Variants in DDC observed in about 807,000 individuals in gnomAD.
DDC encodes dopa decarboxylase.
Under a neutral mutation model 60.0 loss-of-function variants are expected in DDC, and 43 were observed. The observed-to-expected ratio is 0.72, with a 90% CI of 0.56 to 0.92. The LOEUF is 0.92. Ranked by LOEUF, DDC falls within the 40% of genes least tolerant of loss-of-function variation. The probability of loss-of-function intolerance (pLI) is 0.00; values close to 1 mark genes in which losing one functional copy is unlikely to be tolerated. For synonymous variants in DDC, 232 were observed against 234.6 expected (o/e 0.99, Z 0.10); for missense variants, 573 against 620.2 (o/e 0.92, Z 0.81).
chr7:50,531,857 G>T (rs1257158093), intron 4 of DDC: 3 of 152,208 alleles, frequency 2.0e-5, no homozygotes, highest in African/African-American at 7.2e-5. Context: ...GCAGACAAAG[G>T]TTGCCATGGC....
At chr7:50,560,467 TAAA>T (rs2045317250) in intron 1 of DDC, among the ~76,000 whole-genome samples, 1 of 152,164 alleles carries the variant, frequency 6.6e-6, no homozygotes, top group Non-Finnish European at 1.5e-5. Context: ...CGCCCCTTTA[TAAA>T]ATCAAACCTG....
At chr7:50,464,916 A>G (rs934132651) in intron 13 of DDC, among the ~76,000 whole-genome samples, 2 of 152,214 alleles carry the variant, frequency 1.3e-5, no homozygotes, top group Admixed American at 6.5e-5. Flanking sequence ...AAAGTGAGCC[A>G]CAGTGTTTGA....
At chr7:50,462,533 G>A (rs966456141) in intron 14 of DDC, among the ~76,000 whole-genome samples, 2 of 152,148 alleles carry the variant, frequency 1.3e-5, no homozygotes, top group Non-Finnish European at 1.5e-5. Flanking sequence ...ACGGCAAGTC[G>A]TGAGTCATAA....
At chr7:50,545,767 C>T (rs535731451) in intron 1 of DDC, among the ~76,000 whole-genome samples, 1 of 152,200 alleles carries the variant, frequency 6.6e-6, no homozygotes, top group Non-Finnish European at 1.5e-5. Flanking sequence ...GCCACCGCTC[C>T]CAGCCTCTAG....
intron 7 of DDC, 117 bp downstream of exon 7, chr7:50,503,876 T>C (rs1212148756): frequency 9.8e-6 from 8 of 816,268 alleles, no homozygotes; most frequent in Admixed American, 3.5e-5. Flanking sequence ...CGAGAAGAGC[T>C]GGGCAAACCA....
intron 6 of DDC, among the ~76,000 whole-genome samples, chr7:50,522,471 AAAC>A (rs1419051079): frequency 2.6e-5 from 4 of 152,244 alleles, no homozygotes; most frequent in African/African-American, 9.6e-5. Flanking sequence ...ACATAATATT[AAAC>A]AACAGTGTTT....
In DDC at chr7:50,508,715, C is replaced by T. The variant is rs2043468173; in HGVS notation, c.715-4656G>A. Among the ~76,000 whole-genome samples the T allele has an allele frequency of 2.0e-5, 3 of 152,284 alleles. No individual in the cohort carries two copies. In the South Asian group the frequency reaches 6.2e-4, roughly 32 times the overall value. ...TAATGAAGACCATGTGGCTACATCC[C>T]AGAAGGACGCATATAGTCATTATGC... On this transcript the variant is annotated intron_variant, in intron 6 of 14. Coordinates refer to ENST00000444124, the MANE Select transcript of DDC (RefSeq NM_001082971.2).
chr7:50,540,085 G>T, intron 2 of DDC, 57 bp from the exon 3 acceptor site: 3 of 1,401,992 alleles, frequency 2.1e-6, no homozygotes, highest in South Asian at 2.4e-5. Flanking sequence ...CCTCAAGAGA[G>T]CGGGGGACCC....
At chr7:50,488,844 T>G (rs1191773105) in intron 9 of DDC, among the ~76,000 whole-genome samples, 2 of 152,336 alleles carry the variant, frequency 1.3e-5, no homozygotes, top group East Asian at 3.9e-4. Flanking sequence ...TCTCGCTGTT[T>G]TCAGCTTTCT....
At chr7:50,504,418 A>T (rs1219984648) in intron 6 of DDC, among the ~76,000 whole-genome samples, 1 of 151,958 alleles carries the variant, frequency 6.6e-6, no homozygotes, top group Non-Finnish European at 1.5e-5. Flanking sequence ...CTACTTTATT[A>T]AATATACATA....
At chr7:50,477,542 C>G in intron 10 of DDC, 1 of 457,014 alleles carries the variant, frequency 2.2e-6, no homozygotes, top group South Asian at 1.5e-5. Context: ...ACAACCCACG[C>G]CCCACCCTGC....
intron 6 of DDC, 133 bp from the exon 7 acceptor site, chr7:50,504,192 G>A: frequency 1.4e-6 from 1 of 719,838 alleles, no homozygotes; most frequent in Admixed American, 2.0e-5. Context: ...TCTGCTACAT[G>A]GAAACGTAAG....
At chr7:50,541,324 C>T (rs1479273772) in intron 2 of DDC, 1 of 152,326 alleles carries the variant, frequency 6.6e-6, no homozygotes, top group African/African-American at 2.4e-5. Flanking sequence ...AATGAAAGCA[C>T]GTGCTCTGAT....
intron 6 of DDC, among the ~76,000 whole-genome samples, chr7:50,511,081 AC>A (rs2043562409): frequency 4.7e-5 from 7 of 150,480 alleles, no homozygotes; most frequent in South Asian, 2.1e-4. Flanking sequence ...ACACACACAC[AC>A]ACAAAATAAT....
Position 50,476,605 on chromosome 7 carries a change from A to G in DDC, c.1041+19T>C, listed in dbSNP as rs1051012565. 1 of 1,607,866 alleles carries G rather than the reference A, an allele frequency of 6.2e-7. No homozygotes were observed. The highest frequency in any genetic ancestry group is 1.3e-5 in the African/African-American group (1 of 74,934). On this transcript the variant is annotated intron_variant, in intron 11 of 14. Coordinates refer to ENST00000444124, the MANE Select transcript of DDC (RefSeq NM_001082971.2). ...GCACTCCACTAGCATTTGAGATTAC[A>G]GTGGAATCTCCCACTTACCCGGTAG... is the stretch of plus-strand genomic sequence containing the variant.
Position 50,537,978 on chromosome 7 carries a change from G to C in DDC, c.317C>G (p.Ala106Gly). 6.2e-7 allele frequency: 1 copy of C among 1,614,134 alleles called. No homozygotes were observed. The highest frequency in any genetic ancestry group is 2.2e-5 in the East Asian group (1 of 44,888). Residue 106 changes from alanine to glycine, a missense_variant and splice_region_variant, in exon 4 of 15, where the codon GCG (alanine) becomes GGG (glycine). Coordinates refer to ENST00000444124, the MANE Select transcript of DDC (RefSeq NM_001082971.2). ...CAGCTCTGTGCATGCTGGGCTTGCCGCCTGTCGTGGGGGAAGGGAAGGGAT... is the reference window on the plus strand; with the variant it reads ...CAGCTCTGTGCATGCTGGGCTTGCCCCCTGTCGTGGGGGAAGGGAAGGGAT... Reference protein sequence around the residue: ...GAIGCIGFSWAASPACTELET... With the variant: ...GAIGCIGFSWGASPACTELET...
At chr7:50,468,931 A>ATT (rs36005269) in intron 12 of DDC, among the ~76,000 whole-genome samples, 12 of 86,142 alleles carry the variant, frequency 1.4e-4, no homozygotes, top group African/African-American at 3.5e-4. Context: ...CAGTTTCCTC[A>ATT]TTTTTTTTTT....
intron 12 of DDC, among the ~76,000 whole-genome samples, chr7:50,467,624 C>T (rs1212042982): frequency 6.6e-6 from 1 of 152,240 alleles, no homozygotes; most frequent in Non-Finnish European, 1.5e-5. Context: ...GGTATTTGAT[C>T]ATTCTGGAAG....
intron 6 of DDC, among the ~76,000 whole-genome samples, chr7:50,518,060 A>C (rs906953923): frequency 6.6e-6 from 1 of 151,810 alleles, no homozygotes; most frequent in African/African-American, 2.4e-5. Flanking sequence ...AATACAAAAA[A>C]ATTAGCCAGG....
Sources: gnomAD v4.1 joint callset for allele counts (sites outside exome capture counted in the v4.1 genomes callset) on GRCh38, gnomAD v4.1.1 for gene constraint, MANE v1.5 for transcripts, NCBI Gene and HGNC (gene_info 2026-07-23, HGNC 2026-07-21) for gene names.